The following PLCL2 variants were observed in gnomAD, a reference collection of about 807,000 sequenced individuals.
PLCL2 encodes the protein inactive phospholipase C-like protein 2.
In PLCL2, 4 loss-of-function variants were observed where a neutral mutation model predicts 79.6. The observed-to-expected ratio is 0.05, with a 90% CI of 0.02 to 0.11. PLCL2 has a LOEUF of 0.11. Among genes scored for constraint, PLCL2 ranks in the 10% least tolerant of loss-of-function variants. PLCL2 has a pLI of 1.00. For synonymous variants in PLCL2, 484 were observed against 457.7 expected (o/e 1.06, Z -0.73); for missense variants, 895 against 1,291.0 (o/e 0.69, Z 4.70).
intron 1 of PLCL2, among the ~76,000 whole-genome samples, chr3:16,958,330 TA>T (rs2063725104): frequency 6.6e-6 from 1 of 152,240 alleles, no homozygotes; most frequent in Non-Finnish European, 1.5e-5. Flanking sequence ...ACAATGTTTG[TA>T]AAAATGTTGT....
At chr3:16,892,503 T>G (rs1284891239) in intron 1 of PLCL2, among the ~76,000 whole-genome samples, 9 of 152,222 alleles carry the variant, frequency 5.9e-5, no homozygotes, top group Admixed American at 5.9e-4. Flanking sequence ...TTGTTTATTT[T>G]TGAGGAACTG....
intron 4 of PLCL2, among the ~76,000 whole-genome samples, chr3:17,067,042 C>CT (rs2065017452): frequency 6.6e-6 from 1 of 152,092 alleles, no homozygotes; most frequent in Non-Finnish European, 1.5e-5. Flanking sequence ...AAAAAAAGCA[C>CT]TTCCCTCCAC....
Position 17,007,316 on chromosome 3 carries a change from C to T in PLCL2, c.328-2358C>T, listed in dbSNP as rs370940920. Among the ~76,000 whole-genome samples the T allele has an allele frequency of 2.6e-5, 4 of 152,230 alleles. No homozygotes were observed. In the East Asian group the frequency reaches 7.7e-4, roughly 29 times the overall value. On this transcript the variant is annotated intron_variant, in intron 1 of 5. Coordinates refer to ENST00000615277, the MANE Select transcript of PLCL2 (RefSeq NM_001144382.2). ...GGAAAAAAAAACTAAAGACGTCATT[C>T]TGAAAAATAGAAAATTATACATTTG...
At chr3:17,060,963 C>T (rs1333469233) in intron 4 of PLCL2, among the ~76,000 whole-genome samples, 1 of 152,068 alleles carries the variant, frequency 6.6e-6, no homozygotes, top group Non-Finnish European at 1.5e-5. Context: ...GAGAAAAGAG[C>T]TTTTTGGGAC....
At chr3:16,976,858 T>C (rs1037490650) in intron 1 of PLCL2, among the ~76,000 whole-genome samples, 1 of 152,200 alleles carries the variant, frequency 6.6e-6, no homozygotes, top group African/African-American at 2.4e-5. Context: ...TGACCTGTCA[T>C]AGATCACTCC....
chr3:16,977,261 A>G (rs1157946542), intron 1 of PLCL2, among the ~76,000 whole-genome samples: 2 of 152,186 alleles, frequency 1.3e-5, no homozygotes, highest in African/African-American at 2.4e-5. Context: ...AGTATATCCT[A>G]GAACATAGTC....
At chr3:17,020,643 G>A (rs944474939) in intron 3 of PLCL2, among the ~76,000 whole-genome samples, 3 of 152,076 alleles carry the variant, frequency 2.0e-5, no homozygotes, top group East Asian at 3.8e-4. Flanking sequence ...TTCCCCAGTA[G>A]AAAATAGTAC....
intron 1 of PLCL2, among the ~76,000 whole-genome samples, chr3:16,912,960 C>T (rs1021039360): frequency 3.3e-5 from 5 of 152,196 alleles, no homozygotes; most frequent in East Asian, 1.9e-4. Flanking sequence ...TAGATAATTA[C>T]AAGAATTAAC....
chr3:17,020,771 A>G (rs190199975), intron 3 of PLCL2, among the ~76,000 whole-genome samples: 1 of 152,312 alleles, frequency 6.6e-6, no homozygotes, highest in Admixed American at 6.5e-5. Flanking sequence ...TATTTCTTAA[A>G]TAAAACAAGG....
intron 4 of PLCL2, among the ~76,000 whole-genome samples, chr3:17,065,184 A>G (rs2064996782): frequency 1.3e-5 from 2 of 152,160 alleles, no homozygotes; most frequent in Admixed American, 1.3e-4. Flanking sequence ...GAGGAGTAAG[A>G]TAAGGGGGAG....
intron 1 of PLCL2, among the ~76,000 whole-genome samples, chr3:17,001,466 C>G (rs1367899189): frequency 2.0e-5 from 3 of 152,162 alleles, no homozygotes; most frequent in Non-Finnish European, 4.4e-5. Flanking sequence ...GTGTTTTCTT[C>G]TAGTAGTTTC....
chr3:17,055,320 G>A (rs1490516705), intron 4 of PLCL2, among the ~76,000 whole-genome samples: 2 of 152,122 alleles, frequency 1.3e-5, no homozygotes, highest in African/African-American at 4.8e-5. Flanking sequence ...AAGAGAAGTA[G>A]CAAGGTCCTC....
At chr3:17,068,468 G>A (rs2065031428) in intron 5 of PLCL2, among the ~76,000 whole-genome samples, 1 of 152,126 alleles carries the variant, frequency 6.6e-6, no homozygotes, top group South Asian at 2.1e-4. Flanking sequence ...TGGCTATAAT[G>A]TTCATATGAT....
At chr3:16,891,100 G>T (rs547503630) in intron 1 of PLCL2, among the ~76,000 whole-genome samples, 19 of 152,292 alleles carry the variant, frequency 1.2e-4, no homozygotes, top group African/African-American at 3.9e-4. Flanking sequence ...GTCGAGGGCT[G>T]CCCCCAGGCC....
intron 1 of PLCL2, among the ~76,000 whole-genome samples, chr3:16,945,550 A>G (rs990975515): frequency 2.6e-5 from 4 of 152,104 alleles, no homozygotes; most frequent in African/African-American, 7.2e-5. Flanking sequence ...TTGTGCTCCT[A>G]TAGCACCACC....
At position 16,899,015 on chromosome 3, in the gene PLCL2, C is replaced by T. The variant is rs150182561; in HGVS notation, c.327+13649C>T. The stretch of plus-strand genomic sequence containing the variant: ...AGTAACCATTAGTGCTGTGCTGGGG[C>T]GTGTTTGTCAGGAGGTTGTGCTTCA... On this transcript the variant is annotated intron_variant, in intron 1 of 5. Coordinates refer to ENST00000615277, the MANE Select transcript of PLCL2 (RefSeq NM_001144382.2). Among the ~76,000 whole-genome samples, 7 of 152,264 alleles carry T rather than the reference C, an allele frequency of 4.6e-5. No individual in the cohort carries two copies. In the East Asian group the frequency reaches 7.7e-4, roughly 17 times the overall value.
intron 1 of PLCL2, among the ~76,000 whole-genome samples, chr3:16,953,242 A>G (rs1029441478): frequency 3.3e-5 from 5 of 152,176 alleles, no homozygotes; most frequent in Non-Finnish European, 7.4e-5. Context: ...GTAATGCATT[A>G]TAATTTTCTG....
intron 1 of PLCL2, among the ~76,000 whole-genome samples, chr3:16,951,603 G>A (rs998403581): frequency 6.6e-6 from 1 of 151,296 alleles, no homozygotes; most frequent in Non-Finnish European, 1.5e-5. Context: ...AATTTTTGGC[G>A]ACTTACTTTT....
chr3:17,067,482 T>C (rs965271122), intron 4 of PLCL2, among the ~76,000 whole-genome samples: 3 of 152,222 alleles, frequency 2.0e-5, no homozygotes, highest in African/African-American at 7.2e-5. Context: ...ATCCTTGTAC[T>C]GTGGGCTTGG....
Sources: gnomAD v4.1 joint callset for allele counts (sites outside exome capture counted in the v4.1 genomes callset) on GRCh38, gnomAD v4.1.1 for gene constraint, MANE v1.5 for transcripts, NCBI Gene and HGNC (gene_info 2026-07-23, HGNC 2026-07-21) for gene names.